The following ANKS1B variants were observed in gnomAD, a reference collection of about 807,000 sequenced individuals.
ANKS1B encodes the protein ankyrin repeat and sterile alpha motif domain-containing protein 1B.
A neutral mutation model predicts 148.3 loss-of-function variants in ANKS1B; 36 were observed. The observed-to-expected ratio is 0.24, with a 90% CI of 0.19 to 0.32. The LOEUF is 0.32. Ranked by LOEUF, ANKS1B falls within the 10% of genes least tolerant of loss-of-function variation. ANKS1B has a pLI of 1.00. For synonymous variants in ANKS1B, 542 were observed against 560.8 expected (o/e 0.97, Z 0.47); for missense variants, 1,157 against 1,542.6 (o/e 0.75, Z 4.19).
At chr12:99,323,313 T>C (rs769884164) in intron 12 of ANKS1B, among the ~76,000 whole-genome samples, 42 of 152,228 alleles carry the variant, frequency 2.8e-4, no homozygotes, top group Non-Finnish European at 5.9e-4. Context: ...AAATACATAA[T>C]ACCTATGAGT....
intron 9 of ANKS1B, among the ~76,000 whole-genome samples, chr12:99,519,337 T>C (rs1778110305): frequency 6.6e-6 from 1 of 152,150 alleles, no homozygotes; most frequent in African/African-American, 2.4e-5. Context: ...CTAGCTATTA[T>C]TGTATTAAGG....
chr12:99,650,736 G>T (rs908564904), intron 9 of ANKS1B, among the ~76,000 whole-genome samples: 1 of 152,050 alleles, frequency 6.6e-6, no homozygotes, highest in Admixed American at 6.6e-5. Context: ...TAGTATTCTT[G>T]GAGATAGAAA....
chr12:98,956,553 T>G, intron 17 of ANKS1B: 1 of 138,872 alleles, frequency 7.2e-6, no homozygotes, highest in Non-Finnish European at 1.6e-5. Flanking sequence ...ATCCCCCCCA[T>G]CCCCCCCGTC....
chr12:99,046,606 T>C (rs1267075074), intron 17 of ANKS1B, among the ~76,000 whole-genome samples: 1 of 152,000 alleles, frequency 6.6e-6, no homozygotes, highest in African/African-American at 2.4e-5. Context: ...GAGACCATCC[T>C]GGCTAACACG....
chr12:98,738,576 C>A (rs1248055393), intron 9 of ANKS1B, among the ~76,000 whole-genome samples: 1 of 152,216 alleles, frequency 6.6e-6, no homozygotes, highest in African/African-American at 2.4e-5. Context: ...CTGCAGACTG[C>A]AGCTTCAGTT....
At chr12:99,206,051 A>G (rs1374959743) in intron 14 of ANKS1B, among the ~76,000 whole-genome samples, 1 of 152,180 alleles carries the variant, frequency 6.6e-6, no homozygotes, top group Non-Finnish European at 1.5e-5. Flanking sequence ...ACCCACCACC[A>G]AAAGATAAGA....
chr12:99,793,845 T>C (rs1417576331), intron 4 of ANKS1B, among the ~76,000 whole-genome samples: 1 of 152,110 alleles, frequency 6.6e-6, no homozygotes, highest in East Asian at 1.9e-4. Flanking sequence ...TTAAAAAGCT[T>C]CTGCACAGCA....
At chr12:99,852,425 A>T (rs2088050932) in intron 1 of ANKS1B, among the ~76,000 whole-genome samples, 1 of 152,256 alleles carries the variant, frequency 6.6e-6, no homozygotes, top group African/African-American at 2.4e-5. Context: ...CATTCACTTA[A>T]GAAAATATTT....
At chr12:99,357,855 A>T (rs1168142639) in intron 12 of ANKS1B, among the ~76,000 whole-genome samples, 1 of 152,160 alleles carries the variant, frequency 6.6e-6, no homozygotes, top group East Asian at 1.9e-4. Context: ...ACATGATAAG[A>T]ATGCCCTTCT....
At chr12:99,259,774 G>A (rs1015932822) in intron 12 of ANKS1B, among the ~76,000 whole-genome samples, 1 of 146,606 alleles carries the variant, frequency 6.8e-6, no homozygotes, top group Non-Finnish European at 1.6e-5. Context: ...CTTCCCACAC[G>A]TCTTTCCTCT....
intron 14 of ANKS1B, among the ~76,000 whole-genome samples, chr12:99,165,397 A>G (rs555141687): frequency 6.6e-6 from 1 of 152,012 alleles, no homozygotes; most frequent in East Asian, 1.9e-4. Context: ...CCAGGAAGTA[A>G]AGGAGAATAA....
chr12:99,153,736 A>G (rs896052406), intron 15 of ANKS1B, among the ~76,000 whole-genome samples: 2 of 152,186 alleles, frequency 1.3e-5, no homozygotes, highest in Non-Finnish European at 2.9e-5. Flanking sequence ...CTCTTCAATC[A>G]GCAAGTGGAA....
At chr12:99,911,035 T>C (rs912203451) in intron 1 of ANKS1B, among the ~76,000 whole-genome samples, 1 of 149,814 alleles carries the variant, frequency 6.7e-6, no homozygotes, top group African/African-American at 2.5e-5. Context: ...CATTTTAACA[T>C]ATTATTTTTT....
chr12:99,618,495 C>T lies in ANKS1B; in HGVS notation c.1272+36572G>A, dbSNP rs149581620. Among the ~76,000 whole-genome samples the T allele has an allele frequency of 5.3e-5, 8 of 152,140 alleles. No homozygotes were observed. The East Asian group carries it at 7.7e-4, about 15-fold the overall frequency. On this transcript the variant is annotated intron_variant, in intron 9 of 26. Coordinates refer to ENST00000683438, the MANE Select transcript of ANKS1B (RefSeq NM_001352186.2). ...AAGGAAAATGGGAATCCTCAGCATT[C>T]GTGAAGGACACCCAAGATCCCTGGG...
At chr12:99,830,475 GAAGT>G (rs2083798897) in intron 1 of ANKS1B, among the ~76,000 whole-genome samples, 2 of 151,868 alleles carry the variant, frequency 1.3e-5, no homozygotes, top group African/African-American at 2.4e-5. Flanking sequence ...TGTGAAACAA[GAAGT>G]AATAATGGGA....
At chr12:99,580,289 C>G (rs2097558116) in intron 9 of ANKS1B, among the ~76,000 whole-genome samples, 1 of 151,990 alleles carries the variant, frequency 6.6e-6, no homozygotes, top group African/African-American at 2.4e-5. Context: ...ACACCAAACA[C>G]CAGCAACACA....
chr12:98,998,804 T>C (rs967736281), intron 17 of ANKS1B, among the ~76,000 whole-genome samples: 7 of 152,222 alleles, frequency 4.6e-5, no homozygotes, highest in Admixed American at 1.3e-4. Flanking sequence ...TTCGTTTTTA[T>C]ATTTTGCTTT....
chr12:98,824,433 G>A (rs1281302846), intron 19 of ANKS1B, among the ~76,000 whole-genome samples: 1 of 152,198 alleles, frequency 6.6e-6, no homozygotes, highest in Non-Finnish European at 1.5e-5. Flanking sequence ...ACAATGAGCA[G>A]GGACCTTTGA....
At chr12:99,702,653 C>A (rs1005226498) in intron 8 of ANKS1B, among the ~76,000 whole-genome samples, 16 of 151,460 alleles carry the variant, frequency 1.1e-4, no homozygotes, top group Non-Finnish European at 1.8e-4. Flanking sequence ...AGCAATCCTC[C>A]CACTTCAGCC....
Sources: allele counts gnomAD v4.1 joint callset (sites outside exome capture counted in the v4.1 genomes callset), GRCh38; gene constraint gnomAD v4.1.1; transcripts MANE v1.5; gene names NCBI Gene and HGNC (gene_info 2026-07-23, HGNC 2026-07-21).